Variants in TRIM63 observed in about 807,000 individuals in gnomAD.
TRIM63 encodes the protein E3 ubiquitin-protein ligase TRIM63.
Under a neutral mutation model 46.0 loss-of-function variants are expected in TRIM63, and 48 were observed. The observed-to-expected ratio is 1.04, with a 90% CI of 0.83 to 1.33. TRIM63 has a LOEUF of 1.33. Ranked by LOEUF, TRIM63 falls within the 40% of genes most tolerant of loss-of-function variation. The pLI is 0.00. For synonymous variants in TRIM63, 175 were observed against 162.8 expected (o/e 1.08, Z -0.57); for missense variants, 455 against 441.2 (o/e 1.03, Z -0.28).
chr1:26,065,017 TTGTG>T (rs147938449), intron 2 of TRIM63, among the ~76,000 whole-genome samples: 27 of 149,676 alleles, frequency 1.8e-4, no homozygotes, highest in East Asian at 5.9e-4. Context: ...TTGTGTTGTG[TTGTG>T]TGTGTGTGTG....
intron 4 of TRIM63, among the ~76,000 whole-genome samples, chr1:26,059,316 C>G (rs2050601541): frequency 3.9e-5 from 6 of 152,096 alleles, no homozygotes; most frequent in Admixed American, 3.9e-4. Flanking sequence ...GCCACTGTGC[C>G]CAGCTCTCTG....
At chr1:26,063,934 A>G (rs907903523) in intron 2 of TRIM63, among the ~76,000 whole-genome samples, 7 of 152,252 alleles carry the variant, frequency 4.6e-5, no homozygotes, top group Non-Finnish European at 8.8e-5. Flanking sequence ...TATGATCAAC[A>G]ATATGTTTGC....
At chr1:26,065,440 C>T (rs1349802475) in intron 2 of TRIM63, among the ~76,000 whole-genome samples, 1 of 152,194 alleles carries the variant, frequency 6.6e-6, no homozygotes, top group African/African-American at 2.4e-5. Context: ...TCCTGAAGAG[C>T]TGGGACTACA....
intron 3 of TRIM63, 94 bp from the exon 4 acceptor site, chr1:26,060,455 CCT>C: frequency 4.4e-6 from 4 of 918,744 alleles, no homozygotes. Context: ...TCCTCCCTCC[CCT>C]CTCTGCTAGA....
In TRIM63 at chr1:26,058,385, C is replaced by T. The variant is rs370243621; in HGVS notation, c.831+5G>A. 14 of 1,613,306 alleles carry T rather than the reference C, an allele frequency of 8.7e-6. No homozygotes were observed. Among genetic ancestry groups the T allele is most frequent in the Non-Finnish European group, 1.2e-5 (14 of 1,179,634 alleles). ...CCCCACCCAGACCCTTCTAGTCCTG[C>T]TCACCAAGAGGAAGGTGGCTCCCCC... On this transcript the variant is annotated splice_donor_5th_base_variant and intron_variant, in intron 5 of 8. Transcript: ENST00000374272.
At chr1:26,064,466 C>T (rs2050656281) in intron 2 of TRIM63, among the ~76,000 whole-genome samples, 1 of 151,944 alleles carries the variant, frequency 6.6e-6, no homozygotes, top group Non-Finnish European at 1.5e-5. Context: ...AATATTCTCA[C>T]ACCCTCTCTC....
chr1:26,058,685 C>T (rs2050595261), intron 4 of TRIM63, 62 bp from the exon 5 acceptor site: 1 of 1,350,268 alleles, frequency 7.4e-7, no homozygotes, highest in Non-Finnish European at 1.1e-6. Flanking sequence ...CACTACACTG[C>T]CTTCCTAGGA....
chr1:26,053,979 C>T lies in TRIM63; in HGVS notation c.980-15G>A, dbSNP rs761446361. 2 of 1,570,548 alleles carry T rather than the reference C, an allele frequency of 1.3e-6. No individual in the cohort carries two copies. Among genetic ancestry groups the T allele is most frequent in the Non-Finnish European group, 1.7e-6 (2 of 1,162,484 alleles). On this transcript the variant is annotated splice_polypyrimidine_tract_variant and intron_variant, in intron 7 of 8. Coordinates refer to ENST00000374272, the MANE Select transcript of TRIM63 (RefSeq NM_032588.4). ...CTCTTCCTCATCTGTGACAAAAAAACATTTGTGTTAGGATGGGGCCGGTTC... is the reference window on the plus strand; with the variant it reads ...CTCTTCCTCATCTGTGACAAAAAAATATTTGTGTTAGGATGGGGCCGGTTC...
intron 2 of TRIM63, among the ~76,000 whole-genome samples, chr1:26,062,260 A>G (rs1262965160): frequency 1.4e-5 from 2 of 145,540 alleles, no homozygotes; most frequent in East Asian, 3.9e-4. Flanking sequence ...ACAAGAGCAA[A>G]ACTCCGTCTC....
At chr1:26,057,578 T>G (rs1217667567) in intron 6 of TRIM63, 50 bp downstream of exon 6, 4 of 1,590,088 alleles carry the variant, frequency 2.5e-6, no homozygotes, top group Admixed American at 3.5e-5. Context: ...TGGACAGAGG[T>G]CCTGGTGGGA....
In TRIM63 at chr1:26,051,826, CCTCTCCAGTCT is replaced by C; in HGVS notation, c.*36_*46del. 1 of 1,340,756 alleles carries C rather than the reference CCTCTCCAGTCT, an allele frequency of 7.5e-7. No homozygotes were observed. The highest frequency in any genetic ancestry group is 9.6e-7 in the Non-Finnish European group (1 of 1,039,454). The allele number at this position is 1,340,756 out of a possible 1,614,324, so 83.1% of individuals were successfully genotyped here. On this transcript the variant is annotated 3_prime_UTR_variant, in exon 9 of 9. Coordinates refer to ENST00000374272, the MANE Select transcript of TRIM63 (RefSeq NM_032588.4). Reference sequence around the variant, plus strand: ...CCAAGGCCGCTGGGCCCCTCCCCACCCTCTCCAGTCTCTCTGCATCTGGGGGCCTCTCATTC... The same window carrying C: ...CCAAGGCCGCTGGGCCCCTCCCCACCCTCTGCATCTGGGGGCCTCTCATTC...
chr1:26,058,239 C>A (rs1485499949), intron 5 of TRIM63, 151 bp downstream of exon 5: 3 of 662,012 alleles, frequency 4.5e-6, no homozygotes, highest in Non-Finnish European at 8.0e-6. Context: ...GGGGGTGTTA[C>A]ATGCCCATTT....
At chr1:26,065,533 C>T (rs1401301025) in intron 2 of TRIM63, among the ~76,000 whole-genome samples, 1 of 152,214 alleles carries the variant, frequency 6.6e-6, no homozygotes, top group East Asian at 1.9e-4. Flanking sequence ...TCTTGAACTC[C>T]TGGCCTCAAA....
intron 2 of TRIM63, among the ~76,000 whole-genome samples, chr1:26,063,681 A>G (rs550399524): frequency 6.6e-6 from 1 of 152,020 alleles, no homozygotes; most frequent in Non-Finnish European, 1.5e-5. Context: ...CATTTTTGTG[A>G]TTTTGGACTA....
chr1:26,061,204 C>G lies in TRIM63; in HGVS notation c.463G>C (p.Glu155Gln). 6.2e-7 allele frequency: 1 copy of G among 1,614,152 alleles called. No homozygotes were observed. The highest frequency in any genetic ancestry group is 8.5e-7 in the Non-Finnish European group (1 of 1,180,008). ...CKVFGIHKAC[E>Q]VAPLQSVFQG... ...AAGACACTCTGCAATGGGGCCACCT[C>G]GCAGGCCTTGTGGATCCCAAACACC... Residue 155 changes from glutamate (E) to glutamine (Q), a missense_variant, in exon 3 of 9, where the codon GAG (glutamate) becomes CAG (glutamine). Coordinates refer to ENST00000374272, the MANE Select transcript of TRIM63 (RefSeq NM_032588.4).
At chr1:26,052,602 G>A (rs1052519459) in intron 8 of TRIM63, among the ~76,000 whole-genome samples, 5 of 152,160 alleles carry the variant, frequency 3.3e-5, no homozygotes, top group Non-Finnish European at 7.4e-5. Flanking sequence ...AAGTAGCTGG[G>A]ATTACAGGTG....
intron 8 of TRIM63, among the ~76,000 whole-genome samples, chr1:26,052,349 C>T (rs1357661468): frequency 1.3e-5 from 2 of 152,128 alleles, no homozygotes; most frequent in African/African-American, 4.8e-5. Context: ...CTCTGCCAGG[C>T]TGGCAAACTC....
At chr1:26,055,344 G>C (rs1234120838) in intron 7 of TRIM63, among the ~76,000 whole-genome samples, 1 of 152,080 alleles carries the variant, frequency 6.6e-6, no homozygotes, top group Non-Finnish European at 1.5e-5. Flanking sequence ...TTATGTTAAG[G>C]GCTTAGCGCC....
Position 26,059,432 on chromosome 1 carries a change from C to T in TRIM63, c.598-809G>A, listed in dbSNP as rs183885299. On this transcript the variant is annotated intron_variant, in intron 4 of 8. Transcript: ENST00000374272. Reference sequence around the variant, plus strand: ...TCACACTCTTCCCTCCCTTTCAGGACCAAGACTGGATTCGGGAAGCTCTGC... The same window carrying T: ...TCACACTCTTCCCTCCCTTTCAGGATCAAGACTGGATTCGGGAAGCTCTGC... 7.2e-5 allele frequency among the ~76,000 whole-genome samples: 11 copies of T among 152,262 alleles called. No homozygotes were observed. In the East Asian group the frequency reaches 2.1e-3, roughly 29 times the overall value.
Sources: gnomAD v4.1 joint callset for allele counts (sites outside exome capture counted in the v4.1 genomes callset) on GRCh38, gnomAD v4.1.1 for gene constraint, MANE v1.5 for transcripts, NCBI Gene and HGNC (gene_info 2026-07-23, HGNC 2026-07-21) for gene names.